Variants in HAPLN1 observed in about 807,000 individuals in gnomAD.
The protein encoded by HAPLN1 is Cartilage link protein.
Under a neutral mutation model 36.5 loss-of-function variants are expected in HAPLN1, and 13 were observed. The observed-to-expected ratio is 0.36, with a 90% confidence interval of 0.23 to 0.57. The LOEUF (loss-of-function observed/expected upper bound fraction) is 0.57, where lower values mean the gene tolerates loss of function less well. Ranked by LOEUF, HAPLN1 falls within the 20% of genes least tolerant of loss-of-function variation. The probability of loss-of-function intolerance (pLI) is 0.83; values close to 1 mark genes in which losing one functional copy is unlikely to be tolerated. For synonymous variants in HAPLN1, 202 were observed against 169.8 expected, an observed-to-expected ratio of 1.19 and a Z score of -1.48; for missense variants, 407 against 439.7, an observed-to-expected ratio of 0.93 and a Z score of 0.66.
chr5:83,643,993 G>A (rs1476479461), intron 4 of HAPLN1, among the ~76,000 whole-genome samples: 5 of 152,204 alleles, frequency 3.3e-5, no homozygotes, highest in African/African-American at 1.2e-4. Flanking sequence ...GAGAGGGAGA[G>A]CATGGGTAAT....
chr5:83,708,971 G>T (rs1751714770), intron 1 of HAPLN1, among the ~76,000 whole-genome samples: 1 of 152,070 alleles, frequency 6.6e-6, no homozygotes, highest in South Asian at 2.1e-4. Flanking sequence ...TCCCTCCAAG[G>T]TTCAAGCTGT....
intron 1 of HAPLN1, among the ~76,000 whole-genome samples, chr5:83,702,482 A>G (rs1018841725): frequency 1.3e-5 from 2 of 152,212 alleles, no homozygotes; most frequent in Non-Finnish European, 2.9e-5. Context: ...ACTAAAATTT[A>G]TCTCAGCACA....
Position 83,656,888 on chromosome 5 carries a change from CT to C in HAPLN1, c.101-4065del, listed in dbSNP as rs1275648102. Among the ~76,000 whole-genome samples, 2 of 152,120 alleles carry C rather than the reference CT, an allele frequency of 1.3e-5. 1 individual carries two copies. Among genetic ancestry groups the C allele is most frequent in the Admixed American group, 1.3e-4 (2 of 15,278 alleles). On this transcript the variant is annotated intron_variant, in intron 2 of 4. Transcript: ENST00000274341. Reference sequence around the variant, plus strand: ...AGCAAACAACTGATCTTTACACTTGCTATGAAATTTAGATGAAGACTTTTAA... The same window carrying C: ...AGCAAACAACTGATCTTTACACTTGCATGAAATTTAGATGAAGACTTTTAA...
intron 1 of HAPLN1, among the ~76,000 whole-genome samples, chr5:83,705,777 A>G (rs1254913119): frequency 6.6e-6 from 1 of 152,110 alleles, no homozygotes; most frequent in African/African-American, 2.4e-5. Flanking sequence ...AAGATAAACA[A>G]ATCCAGGAGT....
chr5:83,687,228 T>C (rs925035880), intron 1 of HAPLN1, among the ~76,000 whole-genome samples: 4 of 152,188 alleles, frequency 2.6e-5, no homozygotes, highest in African/African-American at 9.7e-5. Flanking sequence ...GCAAATTTTC[T>C]CTCAGTATAT....
chr5:83,701,925 AAAACACAC>A (rs1038372301), intron 1 of HAPLN1, among the ~76,000 whole-genome samples: 2 of 100,510 alleles, frequency 2.0e-5, no homozygotes, highest in African/African-American at 6.8e-5. Flanking sequence ...GACTTCGACA[AAAACACAC>A]ACACACACAC....
rs990417135 is a variant in HAPLN1, at chr5:83,640,339, A to G, written c.*1157T>C. Reference sequence around the variant, plus strand: ...TTCAGCATTTAATTTAAGCCTAATGATGACCAGCAAGGAAAGTGACATCAT... The same window carrying G: ...TTCAGCATTTAATTTAAGCCTAATGGTGACCAGCAAGGAAAGTGACATCAT... On this transcript the variant is annotated 3_prime_UTR_variant, in exon 5 of 5. Transcript: ENST00000274341. The G allele has an allele frequency of 1.3e-5, 2 of 152,164 alleles. No homozygotes were observed. The highest frequency in any genetic ancestry group is 4.8e-5 in the African/African-American group (2 of 41,454). The allele number at this position is 152,164 out of a possible 1,614,324, so 9.4% of individuals were successfully genotyped here.
At chr5:83,701,309 G>T (rs1276341312) in intron 1 of HAPLN1, among the ~76,000 whole-genome samples, 1 of 152,200 alleles carries the variant, frequency 6.6e-6, no homozygotes, top group Non-Finnish European at 1.5e-5. Flanking sequence ...GGACCAAGTG[G>T]GTGGAAGTCA....
At chr5:83,667,263 T>TAATAAATATATA (rs1750577987) in intron 2 of HAPLN1, among the ~76,000 whole-genome samples, 1 of 152,204 alleles carries the variant, frequency 6.6e-6, no homozygotes, top group African/African-American at 2.4e-5. Context: ...AATATGGTGA[T>TAATAAATATATA]ATTCCAAGTT....
At chr5:83,715,023 C>G (rs191187055) in intron 1 of HAPLN1, among the ~76,000 whole-genome samples, 1 of 152,292 alleles carries the variant, frequency 6.6e-6, no homozygotes, top group East Asian at 1.9e-4. Context: ...TTAACATGGT[C>G]CTTCACATTT....
At chr5:83,718,116 G>A (rs544448448) in intron 1 of HAPLN1, among the ~76,000 whole-genome samples, 162 of 152,190 alleles carry the variant, frequency 1.1e-3, no homozygotes, top group Non-Finnish European at 2.0e-3. Flanking sequence ...TATATTAGAA[G>A]TGAGTTGCAG....
chr5:83,707,978 G>A (rs1201575558), intron 1 of HAPLN1, among the ~76,000 whole-genome samples: 1 of 152,168 alleles, frequency 6.6e-6, no homozygotes, highest in Non-Finnish European at 1.5e-5. Context: ...AATATCACTG[G>A]TCATTACAGA....
chr5:83,644,216 C>T lies in HAPLN1; in HGVS notation c.775+147G>A, dbSNP rs1460377866. 4.9e-6 allele frequency: 3 copies of T among 608,242 alleles called. No individual in the cohort carries two copies. In the Admixed American group the frequency reaches 1.3e-4, roughly 26 times the overall value. 37.7% of individuals were successfully genotyped at this position (608,242 alleles called of 1,614,324 possible). On this transcript the variant is annotated intron_variant, in intron 4 of 4. Coordinates refer to ENST00000274341, the MANE Select transcript of HAPLN1 (RefSeq NM_001884.4). Reference sequence around the variant, plus strand: ...ATTTAAAAATTATGACACTCAAGAACTTTTTATATCTTTTTAAACTACAGC... The same window carrying T: ...ATTTAAAAATTATGACACTCAAGAATTTTTTATATCTTTTTAAACTACAGC...
At chr5:83,671,861 C>A (rs930787702) in intron 2 of HAPLN1, among the ~76,000 whole-genome samples, 2 of 152,090 alleles carry the variant, frequency 1.3e-5, no homozygotes, top group East Asian at 1.9e-4. Flanking sequence ...GACTATCAAG[C>A]CTTTTTAAAA....
intron 1 of HAPLN1, among the ~76,000 whole-genome samples, chr5:83,675,525 C>T (rs1351882034): frequency 1.3e-5 from 2 of 152,096 alleles, no homozygotes; most frequent in Admixed American, 1.3e-4. Flanking sequence ...AGTTGTTTAT[C>T]CTACCACTGC....
intron 3 of HAPLN1, among the ~76,000 whole-genome samples, chr5:83,646,862 G>A (rs541816991): frequency 6.6e-6 from 1 of 152,268 alleles, no homozygotes; most frequent in South Asian, 2.1e-4. Context: ...TGATGAAAAG[G>A]AAAATATTTG....
chr5:83,712,665 T>C (rs1751819137), intron 1 of HAPLN1, among the ~76,000 whole-genome samples: 1 of 152,100 alleles, frequency 6.6e-6, no homozygotes. Context: ...TGTTGGCATA[T>C]TCTAGTTACA....
intron 1 of HAPLN1, among the ~76,000 whole-genome samples, chr5:83,703,052 T>C (rs150692461): frequency 1.9e-3 from 285 of 152,292 alleles, no homozygotes; most frequent in Non-Finnish European, 3.0e-3. Flanking sequence ...GTGGGTGTTT[T>C]ACTTTTTGGT....
At chr5:83,673,864 C>A (rs336964) in intron 1 of HAPLN1, 234,115 of 235,442 alleles carry the variant, frequency 0.99, 116,409 homozygotes, top group South Asian at 1. Context: ...CAAAAACATA[C>A]ACACTCTTAA....
Sources: allele counts gnomAD v4.1 joint callset (sites outside exome capture counted in the v4.1 genomes callset), GRCh38; gene constraint gnomAD v4.1.1; transcripts MANE v1.5; gene names NCBI Gene and HGNC (gene_info 2026-07-23, HGNC 2026-07-21).